Variants in OSBPL10 observed in about 807,000 individuals in gnomAD.
OSBPL10 encodes oxysterol-binding protein-related protein 10.
In OSBPL10, 49 loss-of-function variants were observed where a neutral mutation model predicts 81.7. The observed-to-expected ratio is 0.60, with a 90% CI of 0.48 to 0.76. The LOEUF is 0.76. Ranked by LOEUF, OSBPL10 falls within the 30% of genes least tolerant of loss-of-function variation. The probability of loss-of-function intolerance (pLI) is 0.00; values close to 1 mark genes in which losing one functional copy is unlikely to be tolerated. For missense variants in OSBPL10, 923 were observed against 987.8 expected (o/e 0.93, Z 0.88); for synonymous variants, 419 against 383.6 (o/e 1.09, Z -1.08).
chr3:31,960,739 C>G (rs185756311), intron 1 of OSBPL10, among the ~76,000 whole-genome samples: 1 of 152,240 alleles, frequency 6.6e-6, no homozygotes, highest in African/African-American at 2.4e-5. Context: ...ACTGTGCAAC[C>G]CACTTCTCCC....
intron 2 of OSBPL10, among the ~76,000 whole-genome samples, chr3:32,041,167 ATG>A (rs1455696700): frequency 2.6e-5 from 4 of 152,292 alleles, no homozygotes; most frequent in South Asian, 4.1e-4. Flanking sequence ...AAGAGAAAAA[ATG>A]AGGGAGGACT....
At chr3:32,076,004 T>C (rs1229290835) in intron 1 of OSBPL10, among the ~76,000 whole-genome samples, 1 of 152,170 alleles carries the variant, frequency 6.6e-6, no homozygotes, top group East Asian at 1.9e-4. Flanking sequence ...CTTGAGAATG[T>C]ACTTTGTGAG....
intron 1 of OSBPL10, among the ~76,000 whole-genome samples, chr3:31,965,459 T>TG (rs71068019): frequency 0.22 from 15,308 of 69,836 alleles, 3,660 homozygotes; most frequent in African/African-American, 0.6. Context: ...TAATATATAA[T>TG]TTATATAATA....
intron 3 of OSBPL10, among the ~76,000 whole-genome samples, chr3:31,835,538 C>A (rs1700342259): frequency 6.6e-6 from 1 of 152,052 alleles, no homozygotes; most frequent in African/African-American, 2.4e-5. Context: ...AATTTCTGAG[C>A]GTCCACTAAT....
intron 6 of OSBPL10, chr3:31,713,950 A>T (rs994262972): frequency 6.6e-6 from 1 of 152,198 alleles, no homozygotes; most frequent in Non-Finnish European, 1.5e-5. Context: ...ACTATCTGAC[A>T]CTGACTTATT....
chr3:31,896,213 A>G (rs1696052655), intron 1 of OSBPL10, among the ~76,000 whole-genome samples: 1 of 152,158 alleles, frequency 6.6e-6, no homozygotes, highest in African/African-American at 2.4e-5. Context: ...AAACCATCAC[A>G]CTTTGTAGAG....
chr3:31,965,399 A>T (rs9813456), intron 1 of OSBPL10, among the ~76,000 whole-genome samples: 30 of 100,584 alleles, frequency 3.0e-4, no homozygotes, highest in South Asian at 9.1e-4. Flanking sequence ...TATAATATAT[A>T]ATATAAAATA....
At chr3:31,933,389 T>A (rs1472937995) in intron 1 of OSBPL10, among the ~76,000 whole-genome samples, 1 of 150,250 alleles carries the variant, frequency 6.7e-6, no homozygotes, top group African/African-American at 2.4e-5. Flanking sequence ...AAATGTCCTT[T>A]AAGGGGGAAA....
chr3:31,937,964 A>T (rs951073532), intron 1 of OSBPL10, among the ~76,000 whole-genome samples: 3 of 152,010 alleles, frequency 2.0e-5, no homozygotes, highest in Non-Finnish European at 4.4e-5. Context: ...TAGTTCCTTG[A>T]CCTCATTCTG....
rs67616509 is a variant in OSBPL10 at position 31,678,782 on chromosome 3, C to CTGTGTGTGTGTGTGTGTGTGTGTGTGTG, written c.1726+4824_1726+4851dup. Among the ~76,000 whole-genome samples the CTGTGTGTGTGTGTGTGTGTGTGTGTGTG allele has an allele frequency of 3.0e-5, 4 of 135,540 alleles. No homozygotes were observed. In the East Asian group the frequency reaches 6.9e-4, roughly 23 times the overall value. 88.9% of individuals were successfully genotyped at this position (135,540 alleles called of 152,430 possible). A position where few individuals can be genotyped will look rare whatever the true frequency, so the allele number is the denominator to read the frequency against. On this transcript the variant is annotated intron_variant, in intron 8 of 11. Transcript: ENST00000396556. ...TACTCTGACTAATCACAGATTCAAACTGTGTGTGTGTGTGTGTGTGTGTGT... is the reference window on the plus strand; with the variant it reads ...TACTCTGACTAATCACAGATTCAAACTGTGTGTGTGTGTGTGTGTGTGTGTGTGTGTGTGTGTGTGTGTGTGTGTGTGT...
chr3:32,057,055 C>T (rs145103749), intron 1 of OSBPL10, among the ~76,000 whole-genome samples: 1 of 152,198 alleles, frequency 6.6e-6, no homozygotes, highest in Non-Finnish European at 1.5e-5. Context: ...ATGGCAACAT[C>T]AGGAAGTTAC....
At chr3:31,934,731 C>T (rs1375195549) in intron 1 of OSBPL10, among the ~76,000 whole-genome samples, 1 of 151,844 alleles carries the variant, frequency 6.6e-6, no homozygotes, top group African/African-American at 2.4e-5. Context: ...TATTCATAAA[C>T]GTAGCATTTC....
Position 32,063,307 on chromosome 3 carries a change from A to G in OSBPL10, n.185+14089T>C, listed in dbSNP as rs903665903. Among the ~76,000 whole-genome samples, 33 of 92,350 alleles carry G rather than the reference A, an allele frequency of 3.6e-4. 6 individuals are homozygous for G. The highest frequency in any genetic ancestry group is 9.2e-4 in the African/African-American group (33 of 35,968). 60.6% of individuals were successfully genotyped at this position (92,350 alleles called of 152,430 possible). On this transcript the variant is annotated intron_variant and non_coding_transcript_variant, in intron 1 of 3. Transcript: ENST00000479173. ...ACTTCCCATTTAATCCTGCAGTGGGACAGGTCAGGGATGGGGAAGCAAGGG... is the reference window on the plus strand; with the variant it reads ...ACTTCCCATTTAATCCTGCAGTGGGGCAGGTCAGGGATGGGGAAGCAAGGG...
chr3:31,703,433 A>C (rs1406694939), intron 6 of OSBPL10, among the ~76,000 whole-genome samples: 1 of 152,238 alleles, frequency 6.6e-6, no homozygotes, highest in African/African-American at 2.4e-5. Flanking sequence ...GACATAATAT[A>C]CAGAAATTCA....
intron 1 of OSBPL10, among the ~76,000 whole-genome samples, chr3:31,928,377 A>G (rs1559521353): frequency 1.3e-5 from 2 of 152,166 alleles, no homozygotes; most frequent in Non-Finnish European, 2.9e-5. Context: ...GTTTATCTGC[A>G]TGCTCCAAAA....
Position 31,876,416 on chromosome 3 carries a change from T to G in OSBPL10, c.537+17A>C, listed in dbSNP as rs779211991. On this transcript the variant is annotated intron_variant, in intron 3 of 11. Transcript: ENST00000396556. ...CTGGTTATTCGAATGCCTCCTTCCTTTCTCACGGTGACTTACCTTAGAATT... is the reference window on the plus strand; with the variant it reads ...CTGGTTATTCGAATGCCTCCTTCCTGTCTCACGGTGACTTACCTTAGAATT... 35 of 1,594,682 alleles carry G rather than the reference T, an allele frequency of 2.2e-5. No individual in the cohort carries two copies. The highest frequency in any genetic ancestry group is 2.3e-5 in the Non-Finnish European group (27 of 1,162,460).
intron 1 of OSBPL10, among the ~76,000 whole-genome samples, chr3:31,921,776 A>T (rs1180315095): frequency 1.3e-5 from 2 of 152,226 alleles, no homozygotes; most frequent in Admixed American, 1.3e-4. Context: ...TATGAAAAGG[A>T]CAGGAGAGGA....
intron 10 of OSBPL10, among the ~76,000 whole-genome samples, chr3:31,666,849 A>C (rs1700203224): frequency 6.6e-6 from 1 of 152,210 alleles, no homozygotes; most frequent in Non-Finnish European, 1.5e-5. Context: ...AAAATACTGT[A>C]ATATTTTCAG....
intron 2 of OSBPL10, among the ~76,000 whole-genome samples, chr3:32,040,528 G>A (rs940988231): frequency 6.6e-6 from 1 of 151,616 alleles, no homozygotes; most frequent in Non-Finnish European, 1.5e-5. Context: ...CAGCTGGCCT[G>A]GCATAGGAGT....
Sources: allele counts gnomAD v4.1 joint callset (sites outside exome capture counted in the v4.1 genomes callset), GRCh38; gene constraint gnomAD v4.1.1; transcripts MANE v1.5; gene names NCBI Gene and HGNC (gene_info 2026-07-23, HGNC 2026-07-21).